Variants in ADAMTS6 observed in about 807,000 individuals in gnomAD.
The protein encoded by ADAMTS6 is ADAM metallopeptidase with thrombospondin type 1 motif 6.
In ADAMTS6, 23 loss-of-function variants were observed where a neutral mutation model predicts 144.3. The observed-to-expected ratio is 0.16, with a 90% CI of 0.11 to 0.23. The LOEUF (loss-of-function observed/expected upper bound fraction) is 0.23, where lower values mean the gene tolerates loss of function less well. Among genes scored for constraint, ADAMTS6 ranks in the 10% least tolerant of loss-of-function variants. The pLI, the probability that ADAMTS6 is intolerant of heterozygous loss-of-function variation, is 1.00. For synonymous variants in ADAMTS6, 444 were observed against 457.5 expected (o/e 0.97, Z 0.38); for missense variants, 999 against 1,379.6 (o/e 0.72, Z 4.37).
chr5:65,337,629 G>A lies in ADAMTS6; in HGVS notation c.1074-3544C>T, dbSNP rs552497006. On this transcript the variant is annotated intron_variant, in intron 7 of 24. Coordinates refer to ENST00000381055, the MANE Select transcript of ADAMTS6 (RefSeq NM_197941.4). ...CAGTTCCTCGATATAACTCTCAGTCGTCTCCCATCTTATATTTAAATATCA... is the reference window on the plus strand; with the variant it reads ...CAGTTCCTCGATATAACTCTCAGTCATCTCCCATCTTATATTTAAATATCA... 1.4e-4 allele frequency among the ~76,000 whole-genome samples: 21 copies of A among 151,996 alleles called. No individual in the cohort carries two copies. The South Asian group carries it at 2.5e-3, about 18-fold the overall frequency.
chr5:65,227,241 G>A (rs184546085), intron 15 of ADAMTS6, among the ~76,000 whole-genome samples: 1 of 152,070 alleles, frequency 6.6e-6, no homozygotes, highest in Non-Finnish European at 1.5e-5. Flanking sequence ...ACAGCAATTT[G>A]AGCATTTTCA....
chr5:65,190,891 T>C (rs1474906719), intron 21 of ADAMTS6, among the ~76,000 whole-genome samples: 1 of 152,050 alleles, frequency 6.6e-6, no homozygotes, highest in Non-Finnish European at 1.5e-5. Context: ...ATTTAAACAG[T>C]TTTGCAATTC....
chr5:65,435,153 C>A (rs116083788), intron 7 of ADAMTS6, among the ~76,000 whole-genome samples: 91 of 152,076 alleles, frequency 6.0e-4, no homozygotes, highest in African/African-American at 2.1e-3. Flanking sequence ...AAATTAAACA[C>A]AAAGTTAATT....
At chr5:65,176,979 T>C (rs1482966336) in intron 22 of ADAMTS6, among the ~76,000 whole-genome samples, 3 of 152,234 alleles carry the variant, frequency 2.0e-5, no homozygotes, top group Non-Finnish European at 4.4e-5. Context: ...TGGTTTATCT[T>C]CCACTTTCCT....
At chr5:65,320,553 T>C (rs922059185) in intron 9 of ADAMTS6, among the ~76,000 whole-genome samples, 1 of 150,858 alleles carries the variant, frequency 6.6e-6, no homozygotes, top group Non-Finnish European at 1.5e-5. Flanking sequence ...TTATTTTCTC[T>C]CTTTTTTTTT....
intron 7 of ADAMTS6, among the ~76,000 whole-genome samples, chr5:65,396,607 T>C (rs1753359987): frequency 3.3e-5 from 5 of 152,218 alleles, no homozygotes; most frequent in Admixed American, 3.3e-4. Context: ...GGATAAGTAC[T>C]CAGAAAATTC....
chr5:65,177,289 ATTACTC>A (rs1754039539), intron 22 of ADAMTS6, among the ~76,000 whole-genome samples: 1 of 152,162 alleles, frequency 6.6e-6, no homozygotes, highest in African/African-American at 2.4e-5. Flanking sequence ...CATCTATTCT[ATTACTC>A]TTTCTTCTTC....
At position 65,299,978 on chromosome 5, in the gene ADAMTS6, T is replaced by C. The variant is rs1743202137; in HGVS notation, c.1370+7A>G. The C allele has an allele frequency of 6.2e-7, 1 of 1,612,442 alleles. No individual in the cohort carries two copies. The highest frequency in any genetic ancestry group is 8.5e-7 in the Non-Finnish European group (1 of 1,179,326). On this transcript the variant is annotated splice_region_variant and intron_variant, in intron 10 of 24. Transcript: ENST00000381055. ...CTATTTATCATCACTCTCCAGAGAT[T>C]ACTTACTCTAGAAAGCTGGTGATGT...
chr5:65,206,543 C>CA (rs542509472), intron 20 of ADAMTS6, among the ~76,000 whole-genome samples: 15 of 151,592 alleles, frequency 9.9e-5, no homozygotes, highest in African/African-American at 3.6e-4. Flanking sequence ...ACTAAAAATA[C>CA]AAAAAAATCA....
chr5:65,419,073 T>G (rs2150195495), intron 7 of ADAMTS6, among the ~76,000 whole-genome samples: 1 of 152,224 alleles, frequency 6.6e-6, no homozygotes, highest in East Asian at 1.9e-4. Context: ...AAACAAACCT[T>G]TCTACCAAAA....
chr5:65,264,375 A>T (rs1052986176), intron 12 of ADAMTS6, among the ~76,000 whole-genome samples: 3 of 152,108 alleles, frequency 2.0e-5, no homozygotes, highest in African/African-American at 7.2e-5. Context: ...TCCTTAGAGC[A>T]TCTGAATTTA....
At chr5:65,174,895 G>A (rs7710555) in intron 22 of ADAMTS6, among the ~76,000 whole-genome samples, 112,406 of 151,484 alleles carry the variant, frequency 0.74, 42,246 homozygotes, top group African/African-American at 0.85. Flanking sequence ...AAATTTCAAG[G>A]AAGGATTTAA....
chr5:65,270,880 A>G (rs1438500007), intron 12 of ADAMTS6, among the ~76,000 whole-genome samples: 1 of 152,216 alleles, frequency 6.6e-6, no homozygotes, highest in Non-Finnish European at 1.5e-5. Context: ...AAGACAGGGT[A>G]AAGGGCAGGC....
intron 24 of ADAMTS6, among the ~76,000 whole-genome samples, chr5:65,169,794 C>G (rs7721037): frequency 0.12 from 17,977 of 150,354 alleles, 1,522 homozygotes; most frequent in African/African-American, 0.23. Context: ...GATCAAAAAA[C>G]CAAACACTGC....
chr5:65,464,024 ATT>A (rs776482863), intron 3 of ADAMTS6, among the ~76,000 whole-genome samples: 1 of 152,280 alleles, frequency 6.6e-6, no homozygotes, highest in Non-Finnish European at 1.5e-5. Flanking sequence ...TCCCAGTTGC[ATT>A]TATCTATTGA....
intron 12 of ADAMTS6, among the ~76,000 whole-genome samples, chr5:65,268,318 T>G (rs1421176092): frequency 6.6e-6 from 1 of 152,226 alleles, no homozygotes; most frequent in Non-Finnish European, 1.5e-5. Flanking sequence ...CAACAGGGAT[T>G]ACAAGGATTG....
At chr5:65,198,396 T>C (rs1755524798) in intron 20 of ADAMTS6, 1 of 165,838 alleles carries the variant, frequency 6.0e-6, no homozygotes, top group South Asian at 2.1e-4. Context: ...TAGGGAAATA[T>C]ATGTGAAACA....
intron 21 of ADAMTS6, among the ~76,000 whole-genome samples, chr5:65,191,122 T>C (rs1023850508): frequency 6.6e-6 from 1 of 152,126 alleles, no homozygotes; most frequent in African/African-American, 2.4e-5. Flanking sequence ...CTGGGGCTGT[T>C]TCTTTCTGAG....
intron 21 of ADAMTS6, among the ~76,000 whole-genome samples, chr5:65,196,498 G>A (rs1349545106): frequency 8.4e-6 from 1 of 119,566 alleles, no homozygotes; most frequent in East Asian, 2.4e-4. Flanking sequence ...ACTCCAGCCT[G>A]GGCGACAGAG....
Sources: gnomAD v4.1 joint callset for allele counts (sites outside exome capture counted in the v4.1 genomes callset) on GRCh38, gnomAD v4.1.1 for gene constraint, MANE v1.5 for transcripts, NCBI Gene and HGNC (gene_info 2026-07-23, HGNC 2026-07-21) for gene names.